The following PDE4D variants were observed in gnomAD, a reference collection of about 807,000 sequenced individuals.
PDE4D encodes 3',5'-cyclic-AMP phosphodiesterase 4D.
In PDE4D, 24 loss-of-function variants were observed where a neutral mutation model predicts 87.4. That is an observed-to-expected ratio of 0.27 (90% CI 0.20 to 0.39). The LOEUF (loss-of-function observed/expected upper bound fraction) is 0.39, where lower values mean the gene tolerates loss of function less well. Among genes scored for constraint, PDE4D ranks in the 10% least tolerant of loss-of-function variants. The pLI, the probability that PDE4D is intolerant of heterozygous loss-of-function variation, is 1.00. For missense variants in PDE4D, 714 were observed against 1,041.0 expected (o/e 0.69, Z 4.32); for synonymous variants, 384 against 383.2 (o/e 1.00, Z -0.02).
chr5:59,369,580 G>C (rs1191483953), intron 1 of PDE4D, among the ~76,000 whole-genome samples: 2 of 152,076 alleles, frequency 1.3e-5, no homozygotes, highest in African/African-American at 4.8e-5. Flanking sequence ...ATCTCCCCAG[G>C]GACCTTTTGT....
chr5:59,173,667 T>C (rs1278938328), intron 5 of PDE4D, among the ~76,000 whole-genome samples: 1 of 152,322 alleles, frequency 6.6e-6, no homozygotes, highest in East Asian at 1.9e-4. Context: ...CACATATTTC[T>C]GGCAATTATT....
At chr5:60,285,260 A>G (rs1313670245) in intron 1 of PDE4D, among the ~76,000 whole-genome samples, 1 of 152,140 alleles carries the variant, frequency 6.6e-6, no homozygotes, top group Non-Finnish European at 1.5e-5. Context: ...GCAAACATGC[A>G]CCGCCACAAA....
At chr5:59,841,090 C>T (rs1371856831) in intron 1 of PDE4D, among the ~76,000 whole-genome samples, 1 of 152,050 alleles carries the variant, frequency 6.6e-6, no homozygotes, top group East Asian at 1.9e-4. Flanking sequence ...AAACTAATTT[C>T]CCTAGTTTCT....
chr5:59,747,055 G>A (rs1225681052), intron 1 of PDE4D, among the ~76,000 whole-genome samples: 2 of 152,032 alleles, frequency 1.3e-5, no homozygotes, highest in East Asian at 1.9e-4. Flanking sequence ...TTCCTCCCAC[G>A]GTCTCCCAGT....
intron 1 of PDE4D, among the ~76,000 whole-genome samples, chr5:60,328,003 A>G (rs923390219): frequency 2.0e-5 from 3 of 152,322 alleles, no homozygotes; most frequent in East Asian, 1.9e-4. Flanking sequence ...AATTATGATC[A>G]TGACAATGAT....
intron 5 of PDE4D, among the ~76,000 whole-genome samples, chr5:59,127,727 T>C (rs879837191): frequency 2.6e-5 from 4 of 151,832 alleles, no homozygotes; most frequent in Non-Finnish European, 4.4e-5. Context: ...ATGACTCTGC[T>C]GACGTCAATG....
At chr5:60,254,929 T>C (rs1490022285) in intron 1 of PDE4D, among the ~76,000 whole-genome samples, 4 of 151,988 alleles carry the variant, frequency 2.6e-5, no homozygotes, top group African/African-American at 9.6e-5. Context: ...GCTATTAATA[T>C]ACAATGAGAG....
At chr5:59,128,436 G>A (rs2153449782) in intron 5 of PDE4D, among the ~76,000 whole-genome samples, 1 of 152,226 alleles carries the variant, frequency 6.6e-6, no homozygotes, top group Non-Finnish European at 1.5e-5. Context: ...GAATTCACAA[G>A]GGAGTTAATA....
intron 2 of PDE4D, among the ~76,000 whole-genome samples, chr5:60,132,772 G>A (rs558797384): frequency 1.1e-4 from 17 of 152,006 alleles, no homozygotes; most frequent in Admixed American, 5.9e-4. Context: ...CAGGAGAATC[G>A]CTTGAACCCA....
chr5:59,224,328 ACT>A (rs1753265051), intron 1 of PDE4D, among the ~76,000 whole-genome samples: 1 of 147,092 alleles, frequency 6.8e-6, no homozygotes, highest in Admixed American at 6.8e-5. Flanking sequence ...ACACACACAC[ACT>A]GGTACAAAGA....
At chr5:59,784,393 T>G (rs182566316) in intron 1 of PDE4D, among the ~76,000 whole-genome samples, 137 of 152,286 alleles carry the variant, frequency 9.0e-4, no homozygotes, top group Middle Eastern at 3.4e-3. Context: ...TCCTCTCAAT[T>G]CTTTCTGATT....
chr5:60,322,587 C>T lies in PDE4D; in HGVS notation c.-89-136900G>A, dbSNP rs1333607482. Among the ~76,000 whole-genome samples, 4 of 152,222 alleles carry T rather than the reference C, an allele frequency of 2.6e-5. No homozygotes were observed. The South Asian group carries it at 6.2e-4, about 24-fold the overall frequency. ...CCAACCATGCAATTAAGGGCACTTC[C>T]GCAAATCCCTTTCTGCTTATTCCCC... On this transcript the variant is annotated intron_variant, in intron 1 of 16. Coordinates refer to the PDE4D transcript ENST00000502484.
intron 5 of PDE4D, among the ~76,000 whole-genome samples, chr5:59,121,844 A>T (rs1774552958): frequency 6.6e-6 from 1 of 152,168 alleles, no homozygotes; most frequent in African/African-American, 2.4e-5. Context: ...ATGAATGGAT[A>T]AAGAAAATGT....
rs116768590 is a variant in PDE4D at position 60,402,059 on chromosome 5, A to T, written c.-90+85883T>A. 8.9e-4 allele frequency among the ~76,000 whole-genome samples: 136 copies of T among 152,362 alleles called. 1 individual carries two copies. Among genetic ancestry groups the T allele is most frequent in the African/African-American group, 3.2e-3 (135 of 41,578 alleles). ...ACATAAAACTTAAATTGGAACCCTG[A>T]CAGCTGGAAAATACGACTGATGACT... On this transcript the variant is annotated intron_variant, in intron 1 of 16. Transcript: ENST00000502484.
chr5:59,168,997 C>T (rs906154675), intron 5 of PDE4D, among the ~76,000 whole-genome samples: 1 of 152,110 alleles, frequency 6.6e-6, no homozygotes, highest in Non-Finnish European at 1.5e-5. Context: ...TTTCAAATGT[C>T]AGTAAATGTT....
chr5:59,857,663 C>G (rs548732675), intron 1 of PDE4D, among the ~76,000 whole-genome samples: 1 of 151,970 alleles, frequency 6.6e-6, no homozygotes, highest in Non-Finnish European at 1.5e-5. Context: ...GAAGACATTT[C>G]TCAATGAGTT....
At chr5:59,834,629 G>C (rs979776293) in intron 1 of PDE4D, among the ~76,000 whole-genome samples, 1 of 152,086 alleles carries the variant, frequency 6.6e-6, no homozygotes, top group Admixed American at 6.6e-5. Context: ...CATTTACTAC[G>C]CTTCATGCTC....
intron 6 of PDE4D, chr5:59,001,906 C>T (rs1292565602): frequency 5.1e-5 from 15 of 294,064 alleles, no homozygotes; most frequent in South Asian, 6.0e-5. Context: ...GTTTCATGTG[C>T]GTCAGACACT....
At chr5:59,954,993 C>A (rs1455385994) in intron 3 of PDE4D, among the ~76,000 whole-genome samples, 1 of 151,920 alleles carries the variant, frequency 6.6e-6, no homozygotes, top group Non-Finnish European at 1.5e-5. Context: ...TTCATAATTG[C>A]TAAAGTTTAA....
Sources: gnomAD v4.1 joint callset for allele counts (sites outside exome capture counted in the v4.1 genomes callset) on GRCh38, gnomAD v4.1.1 for gene constraint, MANE v1.5 for transcripts, NCBI Gene and HGNC (gene_info 2026-07-23, HGNC 2026-07-21) for gene names.